PRAM1: variants seen among roughly 807,000 people sequenced by gnomAD.
The protein encoded by PRAM1 is PML-RARA regulated adaptor molecule 1.
Under a neutral mutation model 55.3 loss-of-function variants are expected in PRAM1, and 41 were observed. The ratio of observed to expected loss-of-function variants is 0.74; its 90% CI spans 0.58 to 0.96. PRAM1 has a LOEUF of 0.96. Ranked by LOEUF, PRAM1 falls within the 40% of genes least tolerant of loss-of-function variation. The pLI is 0.00. For missense variants in PRAM1, 898 were observed against 892.7 expected, an observed-to-expected ratio of 1.01 and a Z score of -0.08; for synonymous variants, 401 against 387.1, an observed-to-expected ratio of 1.04 and a Z score of -0.42.
At position 8,490,995 on chromosome 19, in the gene PRAM1, C is replaced by T; in HGVS notation, c.1635G>A (p.Arg545=). Residue 545 remains arginine (R), a splice_region_variant and synonymous_variant, in exon 6 of 10, where the codon AGG becomes AGA. Transcript: ENST00000423345. This position sits in a 1 kb window ranked among gnomAD's most constrained non-coding sequence, Gnocchi z 7.3. ...GCTGTGGCTGGGGATCCTTCTCCTT[C>T]CTGATAGCCCCCACCAAGGAATTGT... ...ARRPPQDPAL[R]KEKDPQPQQL... The T allele has an allele frequency of 3.7e-6, 6 of 1,613,414 alleles. No homozygotes were observed. The highest frequency in any genetic ancestry group is 5.1e-6 in the Non-Finnish European group (6 of 1,179,830).
chr19:8,491,075 T>C (rs763427722), intron 5 of PRAM1, 25 bp downstream of exon 5: 19 of 1,612,208 alleles, frequency 1.2e-5, no homozygotes, highest in Non-Finnish European at 1.5e-5. Flanking sequence ...GCCCCCCGTC[T>C]GCCCACCCCC....
chr19:8,493,811 T>G lies in PRAM1; in HGVS notation c.1577-2654A>C, dbSNP rs1382182781. Among the ~76,000 whole-genome samples, 1 of 151,994 alleles carries G rather than the reference T, an allele frequency of 6.6e-6. No individual in the cohort carries two copies. The highest frequency in any genetic ancestry group is 2.4e-5 in the African/African-American group (1 of 41,408). ...GTGGGACCTTTTTTTTTTTCTTTTTTTCTTGAGACAGGGTCTCGTTCTGTT... is the reference window on the plus strand; with the variant it reads ...GTGGGACCTTTTTTTTTTTCTTTTTGTCTTGAGACAGGGTCTCGTTCTGTT... On this transcript the variant is annotated intron_variant, in intron 4 of 9. Transcript: ENST00000423345. This position sits in a 1 kb window ranked among gnomAD's most constrained non-coding sequence, Gnocchi z 4.1.
Position 8,497,813 on chromosome 19 carries a change from A to G in PRAM1, c.1527T>C (p.Tyr509=). The stretch of plus-strand genomic sequence containing the variant: ...AGTCATCTCTGGGTTCCACATCGTC[A>G]TACAGCTCGTAGATCTCATCTGGGA... ...PQVPDEIYEL[Y]DDVEPRDDSS... The change falls in exon 4 of 10, where the codon TAT becomes TAC. Residue 509 remains tyrosine, a synonymous_variant. Coordinates refer to ENST00000423345, the MANE Select transcript of PRAM1 (RefSeq NM_032152.5). The G allele has an allele frequency of 7.4e-6, 12 of 1,611,152 alleles. No individual in the cohort carries two copies. The highest frequency in any genetic ancestry group is 1.0e-5 in the Non-Finnish European group (12 of 1,179,418).
chr19:8,490,138 G>A lies in PRAM1; in HGVS notation c.*51C>T. 1 of 1,478,716 alleles carries A rather than the reference G, an allele frequency of 6.8e-7. No homozygotes were observed. Among genetic ancestry groups the A allele is most frequent in the Admixed American group, 2.3e-5 (1 of 42,656 alleles). 91.6% of individuals were successfully genotyped at this position (1,478,716 alleles called of 1,614,324 possible). Reference sequence around the variant, plus strand: ...CCCGCGCCGGGATCCAGGGCTCCTGGGTGAGCGGGCGCTGGGCTGGCTGGC... The same window carrying A: ...CCCGCGCCGGGATCCAGGGCTCCTGAGTGAGCGGGCGCTGGGCTGGCTGGC... On this transcript the variant is annotated 3_prime_UTR_variant, in exon 10 of 10. Coordinates refer to ENST00000423345, the MANE Select transcript of PRAM1 (RefSeq NM_032152.5). This position sits in a 1 kb window ranked among gnomAD's most constrained non-coding sequence, Gnocchi z 7.3.
chr19:8,490,316 C>T lies in PRAM1; in HGVS notation c.1975+22G>A. 6.2e-7 allele frequency: 1 copy of T among 1,613,978 alleles called. No individual in the cohort carries two copies. Among genetic ancestry groups the T allele is most frequent in the Non-Finnish European group, 8.5e-7 (1 of 1,179,880 alleles). On this transcript the variant is annotated intron_variant, in intron 9 of 9. Coordinates refer to ENST00000423345, the MANE Select transcript of PRAM1 (RefSeq NM_032152.5). This position sits in a 1 kb window ranked among gnomAD's most constrained non-coding sequence, Gnocchi z 7.3. ...CGGGGAATCGCCAGGGTCCCTCCAG[C>T]CCTCCCAGAGTGTCCACGTACCGCA...
Position 8,490,988 on chromosome 19 carries a change from T to G in PRAM1, c.1642A>C (p.Lys548Gln). The change falls in exon 6 of 10, where the codon AAG becomes CAG. Residue 548 changes from lysine (K) to glutamine (Q), a missense_variant. This residue lies in a region of PRAM1 where 787 missense variants were observed against 735.4 expected (regional missense o/e 1.07). Transcript: ENST00000423345. This position sits in a 1 kb window ranked among gnomAD's most constrained non-coding sequence, Gnocchi z 7.3. ...PPQDPALRKE[K>Q]DPQPQQLPPM... is the part of the protein sequence containing the mutation. ...GGCAACTGCTGTGGCTGGGGATCCT[T>G]CTCCTTCCTGATAGCCCCCACCAAG... is the stretch of plus-strand genomic sequence containing the variant. 1.2e-6 allele frequency: 2 copies of G among 1,613,626 alleles called. No individual in the cohort carries two copies. The highest frequency in any genetic ancestry group is 1.7e-6 in the Non-Finnish European group (2 of 1,179,838).
chr19:8,491,116 G>A lies in PRAM1; in HGVS notation c.1618C>T (p.Gln540Ter). ...CCATGGCACCTGAGCGCTGGGTCTT[G>A]TGGTGGCCTCCTGGCGGCTTGCTGA... is the stretch of plus-strand genomic sequence containing the variant. ...SVQQAARRPP[Q>*]DPALRKEKDP... The change falls in exon 5 of 10, where the codon CAA becomes TAA. Residue 540 changes from glutamine (Q) to a stop codon, truncating the protein, a stop_gained. Coordinates refer to ENST00000423345, the MANE Select transcript of PRAM1 (RefSeq NM_032152.5). LOFTEE classifies it high-confidence loss of function. 6.2e-7 allele frequency: 1 copy of A among 1,612,006 alleles called. No homozygotes were observed. The highest frequency in any genetic ancestry group is 8.5e-7 in the Non-Finnish European group (1 of 1,179,672).
chr19:8,500,892 A>G (rs557380427), intron 1 of PRAM1, among the ~76,000 whole-genome samples: 1 of 152,080 alleles, frequency 6.6e-6, no homozygotes, highest in African/African-American at 2.4e-5. Flanking sequence ...CAGCCGCCCA[A>G]GTAGCTGGGA....
chr19:8,496,551 C>A (rs1159032767), intron 4 of PRAM1, among the ~76,000 whole-genome samples: 1 of 151,338 alleles, frequency 6.6e-6, no homozygotes, highest in African/African-American at 2.4e-5. Flanking sequence ...ATGGTGAAAC[C>A]CCATATCTAC....
chr19:8,494,508 G>A lies in PRAM1; in HGVS notation c.1576+3256C>T, dbSNP rs557944515. On this transcript the variant is annotated intron_variant, in intron 4 of 9. Transcript: ENST00000423345. ...CCTCTGAGGCTGTCAGCGAGAGCAGGAGCACCTTAGAAGCTCAAGCTCTGG... is the reference window on the plus strand; with the variant it reads ...CCTCTGAGGCTGTCAGCGAGAGCAGAAGCACCTTAGAAGCTCAAGCTCTGG... Among the ~76,000 whole-genome samples the A allele has an allele frequency of 3.1e-4, 47 of 152,314 alleles. No individual in the cohort carries two copies. The East Asian group carries it at 8.9e-3, about 29-fold the overall frequency.
rs1275492003 is a variant in PRAM1 at position 8,490,642 on chromosome 19, C to T, written c.1858G>A (p.Glu620Lys). The T allele has an allele frequency of 5.7e-6, 9 of 1,586,754 alleles. No individual in the cohort carries two copies. The highest frequency in any genetic ancestry group is 2.3e-5 in the South Asian group (2 of 88,066). The change falls in exon 7 of 10, where the codon GAG becomes AAG. Residue 620 changes from glutamate (E) to lysine (K), a missense_variant. By Grantham distance (56) the Glu-to-Lys change is moderately conservative (BLOSUM62 1). Around this residue, in one of 4 missense-constraint regions of PRAM1, gnomAD observed 787 missense variants for 735.4 expected, o/e 1.07. Transcript: ENST00000423345. This position sits in a 1 kb window ranked among gnomAD's most constrained non-coding sequence, Gnocchi z 7.3. The part of the protein sequence containing the change: ...IRRGEILEVI[E>K]FTSNEEMLCR... ...AGCATCTCCTCATTGCTGGTGAACT[C>T]GATCACCTCCAGGATCTCCCCGCGC...
In PRAM1 at chr19:8,499,055, C is replaced by G. The variant is rs1358241960; in HGVS notation, c.753G>C (p.Gln251His). The G allele has an allele frequency of 1.9e-6, 3 of 1,613,508 alleles. No homozygotes were observed. Among genetic ancestry groups the G allele is most frequent in the Non-Finnish European group, 1.7e-6 (2 of 1,179,772 alleles). Reference protein sequence around the residue: ...VPQPEFSEAAQTPLWKPQSSE... With the variant: ...VPQPEFSEAAHTPLWKPQSSE... ...TGGACTGAGGCTTCCAGAGGGGAGT[C>G]TGAGCGGCCTCGCTGAACTCAGGCT... is the stretch of plus-strand genomic sequence containing the variant. The change falls in exon 2 of 10, where the codon CAG becomes CAC. Residue 251 changes from glutamine to histidine, a missense_variant. Physicochemically the swap from Gln to His is conservative, Grantham distance 24. Transcript: ENST00000423345.
chr19:8,491,783 T>C (rs77654457), intron 4 of PRAM1: 3,557 of 155,240 alleles, frequency 0.023, 145 homozygotes, highest in African/African-American at 0.078. Flanking sequence ...GCCACTGTCA[T>C]GCCCAACTTG....
At chr19:8,496,736 C>G (rs565322497) in intron 4 of PRAM1, among the ~76,000 whole-genome samples, 1 of 150,762 alleles carries the variant, frequency 6.6e-6, no homozygotes, top group Non-Finnish European at 1.5e-5. Context: ...AACAAAAAAA[C>G]GAATACATAA....
At chr19:8,500,883 A>C (rs912457390) in intron 1 of PRAM1, among the ~76,000 whole-genome samples, 1 of 151,900 alleles carries the variant, frequency 6.6e-6, no homozygotes, top group African/African-American at 2.4e-5. Context: ...CTCGTGCCTC[A>C]GCCGCCCAAG....
In PRAM1 at chr19:8,499,315, G is replaced by C. The variant is rs771127522; in HGVS notation, c.493C>G (p.Arg165Gly). Residue 165 changes from arginine (R) to glycine (G), a missense_variant, in exon 2 of 10, where the codon CGG (arginine) becomes GGG (glycine). Physicochemically the swap from Arg to Gly is moderately radical, Grantham distance 125. Around this residue, in one of 4 missense-constraint regions of PRAM1, gnomAD observed 787 missense variants for 735.4 expected, o/e 1.07. Coordinates refer to ENST00000423345, the MANE Select transcript of PRAM1 (RefSeq NM_032152.5). ...ASLPEPGAPA[R>G]KPLQPDELSH... ...AGTTCGTCGGGCTGCAGGGGTTTCCGGGCCGGCGCACCAGGCTCCGGCAGC... is the reference window on the plus strand; with the variant it reads ...AGTTCGTCGGGCTGCAGGGGTTTCCCGGCCGGCGCACCAGGCTCCGGCAGC... 1.2e-6 allele frequency: 2 copies of C among 1,609,598 alleles called. No individual in the cohort carries two copies. Among genetic ancestry groups the C allele is most frequent in the East Asian group, 2.2e-5 (1 of 44,792 alleles).
At chr19:8,491,465 T>G in intron 4 of PRAM1, 1 of 478,020 alleles carries the variant, frequency 2.1e-6, no homozygotes, top group Non-Finnish European at 3.8e-6. Flanking sequence ...ACTCCTGACC[T>G]CAGGCAATCC....
At position 8,499,266 on chromosome 19, in the gene PRAM1, G is replaced by C; in HGVS notation, c.542C>G (p.Ser181Cys). ...DELSHPARPP[S>C]EPKSGAFPRK... The stretch of plus-strand genomic sequence containing the variant: ...GGGGAATGCGCCGGATTTGGGTTCG[G>C]AGGGGGGTCTGGCGGGGTGACTGAG... The change falls in exon 2 of 10, where the codon TCC becomes TGC. Residue 181 changes from serine (S) to cysteine (C), a missense_variant. Transcript: ENST00000423345. The C allele has an allele frequency of 6.2e-7, 1 of 1,610,782 alleles. No individual in the cohort carries two copies. Among genetic ancestry groups the C allele is most frequent in the Non-Finnish European group, 8.5e-7 (1 of 1,178,072 alleles).
chr19:8,502,629 G>A lies in PRAM1; in HGVS notation c.-38C>T, dbSNP rs773727339. The A allele has an allele frequency of 1.3e-6, 2 of 1,542,132 alleles. No homozygotes were observed. Among genetic ancestry groups the A allele is most frequent in the African/African-American group, 2.8e-5 (2 of 72,476 alleles). On this transcript the variant is annotated 5_prime_UTR_variant, in exon 1 of 10. Coordinates refer to ENST00000423345, the MANE Select transcript of PRAM1 (RefSeq NM_032152.5). ...ACCCGAGCTGGGGCCGCTGCCTTCA[G>A]GAAGTGACTGTGGCTTCTGCTCCAC...
Sources: gnomAD v4.1 joint callset for allele counts (sites outside exome capture counted in the v4.1 genomes callset) on GRCh38, gnomAD v4.1.1 for gene constraint, gnomAD v4.1.1 regional missense constraint, Gnocchi (gnomAD v3.1) non-coding constraint, MANE v1.5 for transcripts, NCBI Gene and HGNC (gene_info 2026-07-23, HGNC 2026-07-21) for gene names.